The following LBR variants were observed in gnomAD, a reference collection of about 807,000 sequenced individuals.
LBR encodes the protein lamin B receptor, also known as delta(14)-sterol reductase LBR.
LBR carries 28 observed loss-of-function variants against 74.3 expected under a neutral mutation model. The ratio of observed to expected loss-of-function variants is 0.38; its 90% confidence interval spans 0.28 to 0.52. LBR has a LOEUF of 0.52. Among genes scored for constraint, LBR ranks in the 20% least tolerant of loss-of-function variants. The probability of loss-of-function intolerance (pLI) is 0.89; values close to 1 mark genes in which losing one functional copy is unlikely to be tolerated. For synonymous variants in LBR, 228 were observed against 269.3 expected (o/e 0.85, Z 1.50); for missense variants, 717 against 760.3 (o/e 0.94, Z 0.67).
chr1:225,411,222 T>C, intron 9 of LBR, 115 bp downstream of exon 9: 2 of 803,894 alleles, frequency 2.5e-6, no homozygotes, highest in Non-Finnish European at 4.4e-6. Flanking sequence ...TGGAAAGCCA[T>C]AATTATCCCT....
At chr1:225,412,334 C>T in intron 8 of LBR, 120 bp downstream of exon 8, 10 of 844,446 alleles carry the variant, frequency 1.2e-5, no homozygotes, top group Middle Eastern at 3.5e-4. Context: ...TTCATTTTTT[C>T]TTACTTCTCT....
Position 225,406,663 on chromosome 1 carries a change from C to T in LBR, c.1483+1G>A. ...AAACTGAGACTAAAATTAATACTCA[C>T]GTTTCAGAACAATAATTAGAGAAGC... On this transcript the variant is annotated splice_donor_variant, in intron 11 of 13. Transcript: ENST00000272163. LOFTEE classifies it high-confidence loss of function. The T allele has an allele frequency of 1.2e-6, 2 of 1,608,826 alleles. No individual in the cohort carries two copies. Among genetic ancestry groups the T allele is most frequent in the Non-Finnish European group, 8.5e-7 (1 of 1,177,556 alleles).
At chr1:225,403,968 G>T (rs1282157049) in intron 13 of LBR, among the ~76,000 whole-genome samples, 3 of 140,456 alleles carry the variant, frequency 2.1e-5, no homozygotes, top group Non-Finnish European at 4.6e-5. Context: ...TGACACCCCA[G>T]CTCCCCAAGC....
intron 13 of LBR, 70 bp downstream of exon 13, chr1:225,404,330 CCACA>C (rs2096087005): frequency 9.3e-6 from 15 of 1,605,268 alleles, no homozygotes; most frequent in Middle Eastern, 2.2e-4. Context: ...CCACACTGTC[CCACA>C]CAAAGGACAC....
intron 7 of LBR, chr1:225,413,760 C>G (rs2096111025): frequency 8.9e-6 from 3 of 338,934 alleles, no homozygotes; most frequent in Non-Finnish European, 1.7e-5. Flanking sequence ...AGTTAATAAT[C>G]GTAAAATCTC....
At position 225,420,811 on chromosome 1, in the gene LBR, T is replaced by C. The variant is rs114492340; in HGVS notation, c.367-1013A>G. 5.2e-3 allele frequency among the ~76,000 whole-genome samples: 791 copies of C among 151,112 alleles called. 4 individuals carry two copies. Among genetic ancestry groups the C allele is most frequent in the East Asian group, 0.015 (79 of 5,140 alleles). On this transcript the variant is annotated intron_variant, in intron 3 of 13. Transcript: ENST00000272163. ...AAAAAAAAAATTATAATACTCAGAATGAGAAACTGAGCATTCATACACTGA... is the reference window on the plus strand; with the variant it reads ...AAAAAAAAAATTATAATACTCAGAACGAGAAACTGAGCATTCATACACTGA...
chr1:225,427,873 G>C (rs1373647657), intron 1 of LBR, 81 bp downstream of exon 1: 1 of 152,056 alleles, frequency 6.6e-6, no homozygotes, highest in African/African-American at 2.4e-5. Context: ...CGCTGCGCCG[G>C]CCTCGGGCTT....
rs778878808 is a variant in LBR at position 225,419,809 on chromosome 1, G to T, written c.367-11C>A. 10 of 1,550,904 alleles carry T rather than the reference G, an allele frequency of 6.4e-6. No individual in the cohort carries two copies. In the East Asian group the frequency reaches 2.2e-4, roughly 35 times the overall value. ...ATTTCCAAATGGCTTCTAAATTGAA[G>T]AATATAAACATTTAATCAAAAGAAC... On this transcript the variant is annotated splice_polypyrimidine_tract_variant and intron_variant, in intron 3 of 13. Coordinates refer to ENST00000272163, the MANE Select transcript of LBR (RefSeq NM_002296.4).
At chr1:225,426,557 T>C (rs1368440222) in intron 1 of LBR, among the ~76,000 whole-genome samples, 1 of 152,202 alleles carries the variant, frequency 6.6e-6, no homozygotes, top group African/African-American at 2.4e-5. Context: ...ACATTCCAGC[T>C]CCGGTATGTT....
At chr1:225,423,833 T>G in intron 2 of LBR, 78 bp downstream of exon 2, 2 of 1,382,082 alleles carry the variant, frequency 1.4e-6, no homozygotes, top group Non-Finnish European at 2.1e-6. Flanking sequence ...GAACTGACTA[T>G]CCTGAGCTTA....
Position 225,423,867 on chromosome 1 carries a change from C to G in LBR, c.165+44G>C, listed in dbSNP as rs769715713. 3.2e-6 allele frequency: 5 copies of G among 1,557,920 alleles called. No homozygotes were observed. The South Asian group carries it at 5.6e-5, about 17-fold the overall frequency. ...TAGAAACCATACTTAGAGTTATTTC[C>G]CACTTACTGTAAACACACTCTGATA... On this transcript the variant is annotated intron_variant, in intron 2 of 13. Coordinates refer to ENST00000272163, the MANE Select transcript of LBR (RefSeq NM_002296.4).
At position 225,423,395 on chromosome 1, in the gene LBR, G is replaced by A. The variant is rs1004404077; in HGVS notation, c.165+516C>T. Among the ~76,000 whole-genome samples the A allele has an allele frequency of 5.3e-5, 8 of 152,070 alleles. No individual in the cohort carries two copies. The South Asian group carries it at 6.2e-4, about 12-fold the overall frequency. On this transcript the variant is annotated intron_variant, in intron 2 of 13. Coordinates refer to ENST00000272163, the MANE Select transcript of LBR (RefSeq NM_002296.4). ...GTTCAGGATGAAGCCCAAACCCTTG[G>A]GCATGGAATATAAAAGCCCCCCCAG...
intron 1 of LBR, 51 bp downstream of exon 1, chr1:225,427,903 G>C (rs1396649914): frequency 6.6e-6 from 1 of 151,960 alleles, no homozygotes; most frequent in African/African-American, 2.4e-5. Flanking sequence ...GCGGCCCCTC[G>C]AAGAACGCGC....
chr1:225,403,352 T>C lies in LBR; in HGVS notation c.1799A>G (p.Glu600Gly). 6.2e-7 allele frequency: 1 copy of C among 1,612,812 alleles called. No homozygotes were observed. The highest frequency in any genetic ancestry group is 1.1e-5 in the South Asian group (1 of 91,058). The change falls in exon 14 of 14, where the codon GAA becomes GGA. Residue 600 changes from glutamate (E) to glycine (G), a missense_variant. Transcript: ENST00000272163. ...GTAGGGCACACGCTGACAGTACTTT[T>C]CCCAAGCCACGCCGTATTTCTTCTT... ...HCKKKYGVAW[E>G]KYCQRVPYRI...
At chr1:225,420,023 T>C (rs1319253053) in intron 3 of LBR, among the ~76,000 whole-genome samples, 9 of 152,128 alleles carry the variant, frequency 5.9e-5, no homozygotes, top group Admixed American at 5.2e-4. Flanking sequence ...AAATCTTTCA[T>C]CTGGCCAGGC....
In LBR at chr1:225,415,401, C is replaced by CAT. The variant is rs919225623; in HGVS notation, c.838-71_838-70dup. On this transcript the variant is annotated intron_variant, in intron 6 of 13. Coordinates refer to ENST00000272163, the MANE Select transcript of LBR (RefSeq NM_002296.4). ...TCATATATACATATATACACACACA[C>CAT]ATATATATATTCTAGTATCACTTAA... 251 of 755,278 alleles carry CAT rather than the reference C, an allele frequency of 3.3e-4. 5 individuals carry two copies. The highest frequency in any genetic ancestry group is 3.2e-3 in the South Asian group (205 of 64,338). The allele number at this position is 755,278 out of a possible 1,614,324, so 46.8% of individuals were successfully genotyped here.
At chr1:225,423,888 T>C in intron 2 of LBR, 23 bp downstream of exon 2, 1 of 1,606,098 alleles carries the variant, frequency 6.2e-7, no homozygotes, top group Non-Finnish European at 8.5e-7. Context: ...AAACACACTC[T>C]GATAAACCAA....
chr1:225,416,245 A>C (rs1286716260), intron 6 of LBR, among the ~76,000 whole-genome samples: 1 of 151,638 alleles, frequency 6.6e-6, no homozygotes, highest in Non-Finnish European at 1.5e-5. Context: ...GTGAGCACGC[A>C]TCATGCATCA....
At chr1:225,427,211 T>C (rs568664038) in intron 1 of LBR, 1 of 152,394 alleles carries the variant, frequency 6.6e-6, no homozygotes, top group South Asian at 2.1e-4. Context: ...CTTTACTAAG[T>C]GCCCCTTGAG....
Sources: allele counts gnomAD v4.1 joint callset (sites outside exome capture counted in the v4.1 genomes callset), GRCh38; gene constraint gnomAD v4.1.1; transcripts MANE v1.5; gene names NCBI Gene and HGNC (gene_info 2026-07-23, HGNC 2026-07-21).